DRAXIN: variants seen among roughly 807,000 people sequenced by gnomAD.
The protein encoded by DRAXIN is dorsal repulsive axon guidance protein.
In DRAXIN, 27 loss-of-function variants were observed where a neutral mutation model predicts 33.9. The observed-to-expected ratio is 0.80, with a 90% CI of 0.59 to 1.10. The LOEUF is 1.10. Among genes scored for constraint, DRAXIN ranks in the 50% least tolerant of loss-of-function variants. The probability of loss-of-function intolerance (pLI) is 0.00; values close to 1 mark genes in which losing one functional copy is unlikely to be tolerated. For missense variants in DRAXIN, 371 were observed against 460.8 expected, an observed-to-expected ratio of 0.81 and a Z score of 1.78; for synonymous variants, 178 against 194.0, an observed-to-expected ratio of 0.92 and a Z score of 0.69.
intron 1 of DRAXIN, among the ~76,000 whole-genome samples, chr1:11,699,501 ATT>A (rs1344420067): frequency 6.6e-6 from 1 of 151,554 alleles, no homozygotes; most frequent in Non-Finnish European, 1.5e-5. Context: ...TGTTAAAAAA[ATT>A]TTTTTTTAGA....
At chr1:11,719,333 C>T (rs931639099) in intron 6 of DRAXIN, among the ~76,000 whole-genome samples, 1 of 152,262 alleles carries the variant, frequency 6.6e-6, no homozygotes, top group African/African-American at 2.4e-5. Context: ...CATGTCCCAC[C>T]ATTACGTGTC....
chr1:11,706,457 T>G lies in DRAXIN; in HGVS notation c.199T>G (p.Trp67Gly). ...HRRRGPGKKE[W>G]GPGLPSQAQD... ...CCGGCGGGGCCCGGGCAAGAAGGAG[T>G]GGGGCCCAGGCCTGCCCAGCCAGGC... The change falls in exon 2 of 7, where the codon TGG becomes GGG. Residue 67 changes from tryptophan (W) to glycine (G), a missense_variant. Transcript: ENST00000294485. This position sits in a 1 kb window ranked among gnomAD's most constrained non-coding sequence, Gnocchi z 5.5. 6.2e-7 allele frequency: 1 copy of G among 1,608,458 alleles called. No homozygotes were observed. Among genetic ancestry groups the G allele is most frequent in the Non-Finnish European group, 8.5e-7 (1 of 1,178,220 alleles).
chr1:11,715,371 G>A lies in DRAXIN; in HGVS notation c.937+163G>A, dbSNP rs564008966. Among the ~76,000 whole-genome samples, 308 of 152,334 alleles carry A rather than the reference G, an allele frequency of 2.0e-3. 3 individuals are homozygous for A. Among genetic ancestry groups the A allele is most frequent in the African/African-American group, 5.7e-3 (236 of 41,578 alleles). On this transcript the variant is annotated intron_variant, in intron 6 of 6. Coordinates refer to ENST00000294485, the MANE Select transcript of DRAXIN (RefSeq NM_198545.4). ...TAGGTGGGAGAATCCCTCGGGAGCC[G>A]AAGACGTGAGCAAGAACAGCTTTAT...
intron 3 of DRAXIN, among the ~76,000 whole-genome samples, chr1:11,710,369 C>T (rs1641465853): frequency 6.6e-6 from 1 of 151,748 alleles, no homozygotes; most frequent in Non-Finnish European, 1.5e-5. Context: ...AGGGCATGTG[C>T]CTGTAGTACC....
Position 11,696,965 on chromosome 1 carries a change from G to C in DRAXIN, c.-11+5112G>C, listed in dbSNP as rs1019199868. On this transcript the variant is annotated intron_variant, in intron 1 of 6. Transcript: ENST00000294485. The surrounding 1 kb of genome is among the most constrained non-coding windows in gnomAD (Gnocchi z 4.7). Reference sequence around the variant, plus strand: ...GCAGAAGAATCACTTGAGCCCGTGAGGCAGAAGTTGCAGTGAGCCGAGATC... The same window carrying C: ...GCAGAAGAATCACTTGAGCCCGTGACGCAGAAGTTGCAGTGAGCCGAGATC... Among the ~76,000 whole-genome samples the C allele has an allele frequency of 6.6e-6, 1 of 151,470 alleles. No homozygotes were observed. Among genetic ancestry groups the C allele is most frequent in the East Asian group, 1.9e-4 (1 of 5,144 alleles).
At chr1:11,702,509 A>G (rs1212968655) in intron 1 of DRAXIN, among the ~76,000 whole-genome samples, 3 of 151,162 alleles carry the variant, frequency 2.0e-5, no homozygotes, top group Non-Finnish European at 4.4e-5. Flanking sequence ...TGATCATAGT[A>G]TACACACACA....
intron 5 of DRAXIN, among the ~76,000 whole-genome samples, chr1:11,713,802 A>G (rs994554595): frequency 6.6e-6 from 1 of 152,184 alleles, no homozygotes; most frequent in African/African-American, 2.4e-5. Flanking sequence ...GCCCTTTGGG[A>G]GGCCGAGATG....
chr1:11,690,233 A>G (rs1252707357), upstream of DRAXIN, among the ~76,000 whole-genome samples: 2 of 152,108 alleles, frequency 1.3e-5, no homozygotes, highest in African/African-American at 4.8e-5. The surrounding 1 kb of genome is among the most constrained non-coding windows in gnomAD (Gnocchi z 4.2). Flanking sequence ...GTTGTTTACT[A>G]CTGTACCTCC....
chr1:11,700,510 T>C (rs1489885775), intron 1 of DRAXIN, among the ~76,000 whole-genome samples: 1 of 151,978 alleles, frequency 6.6e-6, no homozygotes, highest in African/African-American at 2.4e-5. Context: ...TCAAATTGGG[T>C]AGAGAATGTA....
Position 11,706,389 on chromosome 1 carries a change from T to C in DRAXIN, c.131T>C (p.Leu44Pro). 6.2e-7 allele frequency: 1 copy of C among 1,613,440 alleles called. No individual in the cohort carries two copies. The highest frequency in any genetic ancestry group is 8.5e-7 in the Non-Finnish European group (1 of 1,179,932). The change falls in exon 2 of 7, where the codon CTC becomes CCC. Residue 44 changes from leucine (L) to proline (P), a missense_variant. By Grantham distance (98) the Leu-to-Pro change is moderately conservative. Transcript: ENST00000294485. The surrounding 1 kb of genome is among the most constrained non-coding windows in gnomAD (Gnocchi z 5.5). ...ARNLPENHID[L>P]PGPALWTPQA... ...AACCTCCCTGAGAATCACATTGACC[T>C]CCCAGGCCCAGCGCTGTGGACGCCT...
In DRAXIN at chr1:11,705,407, G is replaced by A. The variant is rs1434646495; in HGVS notation, c.-10-842G>A. Among the ~76,000 whole-genome samples the A allele has an allele frequency of 6.6e-6, 1 of 152,104 alleles. No homozygotes were observed. The highest frequency in any genetic ancestry group is 1.5e-5 in the Non-Finnish European group (1 of 68,002). ...CTGGGTCCCCTGAGGGGGATATCCT[G>A]AGGCTAGGTCGGGTTGGCTCAGTCT... On this transcript the variant is annotated intron_variant, in intron 1 of 6. Coordinates refer to ENST00000294485, the MANE Select transcript of DRAXIN (RefSeq NM_198545.4). The surrounding 1 kb of genome is among the most constrained non-coding windows in gnomAD (Gnocchi z 4.8).
Position 11,719,934 on chromosome 1 carries a change from T to G in DRAXIN, c.*238T>G, listed in dbSNP as rs985503170. ...ACCCACGCAGCCTCCATCCCGCGTGTCTTGCTCTCCGCGATGGCAATGCCG... is the reference window on the plus strand; with the variant it reads ...ACCCACGCAGCCTCCATCCCGCGTGGCTTGCTCTCCGCGATGGCAATGCCG... On this transcript the variant is annotated 3_prime_UTR_variant, in exon 7 of 7. Coordinates refer to ENST00000294485, the MANE Select transcript of DRAXIN (RefSeq NM_198545.4). 9 of 505,436 alleles carry G rather than the reference T, an allele frequency of 1.8e-5. No homozygotes were observed. Among genetic ancestry groups the G allele is most frequent in the Non-Finnish European group, 3.3e-5 (9 of 274,690 alleles). The allele number at this position is 505,436 out of a possible 1,614,324, so 31.3% of individuals were successfully genotyped here. A position where few individuals can be genotyped will look rare whatever the true frequency, so the allele number is the denominator to read the frequency against.
At chr1:11,703,224 G>A (rs370063637) in intron 1 of DRAXIN, among the ~76,000 whole-genome samples, 23 of 152,326 alleles carry the variant, frequency 1.5e-4, no homozygotes, top group East Asian at 9.6e-4. Context: ...AATGACACAC[G>A]AGGTCTTCAA....
At chr1:11,712,269 A>G in intron 4 of DRAXIN, 71 bp from the exon 5 acceptor site, 1 of 1,563,002 alleles carries the variant, frequency 6.4e-7, no homozygotes, top group Non-Finnish European at 8.8e-7. Flanking sequence ...GCACTCCAAC[A>G]TCTGAGTCCC....
chr1:11,698,461 C>T (rs944828335), intron 1 of DRAXIN, among the ~76,000 whole-genome samples: 12 of 152,104 alleles, frequency 7.9e-5, no homozygotes, highest in African/African-American at 2.9e-4. Context: ...GATGGGGCTT[C>T]CGGACTGCAC....
At position 11,723,305 on chromosome 1, in the gene DRAXIN, C is replaced by T. The variant is rs1376423942; in HGVS notation, c.*3609C>T. 1 of 152,204 alleles carries T rather than the reference C, an allele frequency of 6.6e-6. No individual in the cohort carries two copies. The highest frequency in any genetic ancestry group is 1.5e-5 in the Non-Finnish European group (1 of 68,042). The allele number at this position is 152,204 out of a possible 1,614,324, so 9.4% of individuals were successfully genotyped here. A position where few individuals can be genotyped will look rare whatever the true frequency, so the allele number is the denominator to read the frequency against. On this transcript the variant is annotated 3_prime_UTR_variant, in exon 7 of 7. Coordinates refer to ENST00000294485, the MANE Select transcript of DRAXIN (RefSeq NM_198545.4). ...GCTGCACGTTGCAATAATCCAGGAA[C>T]ATTCACAGGCCTGGGGCCCACCCAC...
At position 11,705,125 on chromosome 1, in the gene DRAXIN, A is replaced by G. The variant is rs946515819; in HGVS notation, c.-10-1124A>G. Among the ~76,000 whole-genome samples, 6 of 152,298 alleles carry G rather than the reference A, an allele frequency of 3.9e-5. No individual in the cohort carries two copies. The highest frequency in any genetic ancestry group is 3.4e-3 in the Middle Eastern group (1 of 294). The stretch of plus-strand genomic sequence containing the variant: ...CCTTTTCTCAGCCCGGGACAATTAT[A>G]TGGCCACAAATCACAAAGAAACGGT... On this transcript the variant is annotated intron_variant, in intron 1 of 6. Coordinates refer to ENST00000294485, the MANE Select transcript of DRAXIN (RefSeq NM_198545.4). The surrounding 1 kb of genome is among the most constrained non-coding windows in gnomAD (Gnocchi z 4.8).
chr1:11,706,239 C>G lies in DRAXIN; in HGVS notation c.-10-10C>G. On this transcript the variant is annotated splice_polypyrimidine_tract_variant and intron_variant, in intron 1 of 6. Transcript: ENST00000294485. The surrounding 1 kb of genome is among the most constrained non-coding windows in gnomAD (Gnocchi z 5.5). ...GGGGCTGCGCATTCATGGTGTTGCT[C>G]TTCTTGCAGGGAGGAGCCAATGGCT... The G allele has an allele frequency of 2.6e-6, 4 of 1,562,304 alleles. No individual in the cohort carries two copies. The highest frequency in any genetic ancestry group is 3.5e-6 in the Non-Finnish European group (4 of 1,154,662).
chr1:11,725,086 A>C lies in DRAXIN; in HGVS notation c.*5390A>C, dbSNP rs561090596. ...AAGATTACGGTCCCGGGCCAGTAAC[A>C]GCACCTGGGAGCTTGGTAGAAATGC... On this transcript the variant is annotated 3_prime_UTR_variant, in exon 7 of 7. Transcript: ENST00000294485. The C allele has an allele frequency of 6.6e-6, 1 of 152,332 alleles. No individual in the cohort carries two copies. Among genetic ancestry groups the C allele is most frequent in the South Asian group, 2.1e-4 (1 of 4,832 alleles). 9.4% of individuals were successfully genotyped at this position (152,332 alleles called of 1,614,324 possible).
Sources: gnomAD v4.1 joint callset for allele counts (sites outside exome capture counted in the v4.1 genomes callset) on GRCh38, gnomAD v4.1.1 for gene constraint, Gnocchi (gnomAD v3.1) non-coding constraint, MANE v1.5 for transcripts, NCBI Gene and HGNC (gene_info 2026-07-23, HGNC 2026-07-21) for gene names.